The following NELL2 variants were observed in gnomAD, a reference collection of about 807,000 sequenced individuals.
NELL2 encodes neural EGFL like 2, also known as protein kinase C-binding protein NELL2.
In NELL2, 41 loss-of-function variants were observed where a neutral mutation model predicts 109.6. The ratio of observed to expected loss-of-function variants is 0.37; its 90% CI spans 0.29 to 0.49. The LOEUF is 0.49. NELL2 is among the 20% of genes least tolerant of loss of function. NELL2 has a pLI of 0.98. For synonymous variants in NELL2, 355 were observed against 344.7 expected, an observed-to-expected ratio of 1.03 and a Z score of -0.33; for missense variants, 900 against 1,008.3, an observed-to-expected ratio of 0.89 and a Z score of 1.45.
chr12:44,920,629 A>T (rs1945861846), intron 1 of NELL2, among the ~76,000 whole-genome samples: 1 of 152,202 alleles, frequency 6.6e-6, no homozygotes, highest in South Asian at 2.1e-4. Flanking sequence ...CAGGCTTGTG[A>T]TGCACATATC....
intron 9 of NELL2, among the ~76,000 whole-genome samples, chr12:44,742,226 C>T (rs969201707): frequency 1.3e-5 from 2 of 152,210 alleles, no homozygotes; most frequent in African/African-American, 4.8e-5. Context: ...CTAGCAAACT[C>T]CAACAGACCT....
intron 9 of NELL2, among the ~76,000 whole-genome samples, chr12:44,743,258 T>A (rs1940110222): frequency 6.6e-6 from 1 of 152,108 alleles, no homozygotes; most frequent in South Asian, 2.1e-4. Context: ...TGCTGAGAGA[T>A]TTTGTCACCA....
In NELL2 at chr12:44,875,896, T is replaced by G. The variant is rs763507988; in HGVS notation, c.-27A>C. The G allele has an allele frequency of 6.2e-7, 1 of 1,613,734 alleles. No homozygotes were observed. The highest frequency in any genetic ancestry group is 8.5e-7 in the Non-Finnish European group (1 of 1,180,004). On this transcript the variant is annotated 5_prime_UTR_variant, in exon 1 of 20. Coordinates refer to ENST00000429094, the MANE Select transcript of NELL2 (RefSeq NM_001145108.2). Reference sequence around the variant, plus strand: ...GTGCGGATCAGCTCAGTCCATCGTCTCCCTCTTTAAAAATAAAAATAAAAA... The same window carrying G: ...GTGCGGATCAGCTCAGTCCATCGTCGCCCTCTTTAAAAATAAAAATAAAAA...
intron 13 of NELL2, among the ~76,000 whole-genome samples, chr12:44,661,709 G>T (rs80296394): frequency 6.6e-6 from 1 of 152,092 alleles, no homozygotes; most frequent in Non-Finnish European, 1.5e-5. Context: ...AAAGCCATTC[G>T]TCCATATAAG....
At chr12:44,917,260 A>G (rs535972019), upstream of NELL2, among the ~76,000 whole-genome samples, 6 of 152,342 alleles carry the variant, frequency 3.9e-5, no homozygotes, top group East Asian at 1.2e-3. Context: ...TGACCTCTTG[A>G]TGATTATACA....
At chr12:44,784,986 C>T (rs968964025) in intron 3 of NELL2, among the ~76,000 whole-genome samples, 1 of 152,182 alleles carries the variant, frequency 6.6e-6, no homozygotes, top group African/African-American at 2.4e-5. Flanking sequence ...CAAGGATGCC[C>T]TCTCTCACAA....
chr12:44,720,865 G>T lies in NELL2; in HGVS notation c.995-6124C>A, dbSNP rs531674227. On this transcript the variant is annotated intron_variant, in intron 9 of 19. Transcript: ENST00000429094. ...TCTGTTTTATATACACCATGTCCTT[G>T]GGCTTCTAAAGGACCAAAGTGTGCT... Among the ~76,000 whole-genome samples the T allele has an allele frequency of 3.3e-5, 5 of 152,196 alleles. No homozygotes were observed. In the South Asian group the frequency reaches 1.0e-3, roughly 32 times the overall value.
intron 15 of NELL2, among the ~76,000 whole-genome samples, chr12:44,587,578 C>T (rs549238476): frequency 9.2e-5 from 14 of 151,826 alleles, no homozygotes; most frequent in African/African-American, 2.9e-4. Context: ...ATCACAGAAT[C>T]GAAAAGAACT....
chr12:44,545,335 C>T (rs940126172), intron 15 of NELL2, among the ~76,000 whole-genome samples: 2 of 151,768 alleles, frequency 1.3e-5, no homozygotes, highest in Admixed American at 6.6e-5. Flanking sequence ...TTTTTGGTTT[C>T]GAGTTCAGAG....
chr12:44,893,704 C>T lies in NELL2; in HGVS notation c.39-17804G>A, dbSNP rs367769957. Among the ~76,000 whole-genome samples, 8 of 152,244 alleles carry T rather than the reference C, an allele frequency of 5.3e-5. No individual in the cohort carries two copies. The East Asian group carries it at 7.7e-4, about 15-fold the overall frequency. ...GTGCCCAGTACCGAAGCAAGCATGACGGATGGGGTGCCCCAAGCCTTCTAA... is the reference window on the plus strand; with the variant it reads ...GTGCCCAGTACCGAAGCAAGCATGATGGATGGGGTGCCCCAAGCCTTCTAA... On this transcript the variant is annotated intron_variant, in intron 1 of 20. Transcript: ENST00000333837.
At chr12:44,909,082 C>A (rs1028727520) in intron 1 of NELL2, among the ~76,000 whole-genome samples, 10 of 151,566 alleles carry the variant, frequency 6.6e-5, no homozygotes, top group Admixed American at 6.6e-4. Flanking sequence ...CTAGATAGAG[C>A]AATCAGGCAA....
At chr12:44,920,392 TA>T (rs1306435681) in intron 1 of NELL2, among the ~76,000 whole-genome samples, 1 of 152,186 alleles carries the variant, frequency 6.6e-6, no homozygotes. Flanking sequence ...TGAAATTTTT[TA>T]CTAAAGAATT....
chr12:44,532,076 C>G (rs954421486), intron 16 of NELL2, among the ~76,000 whole-genome samples: 1 of 152,060 alleles, frequency 6.6e-6, no homozygotes, highest in Admixed American at 6.5e-5. Flanking sequence ...AATCAGGGAC[C>G]ATATCTTATG....
intron 12 of NELL2, among the ~76,000 whole-genome samples, chr12:44,696,371 A>G (rs1235451408): frequency 6.6e-6 from 1 of 152,196 alleles, no homozygotes; most frequent in Non-Finnish European, 1.5e-5. Context: ...TACATACCAG[A>G]TATTTCATGT....
intron 1 of NELL2, among the ~76,000 whole-genome samples, chr12:44,884,614 A>C (rs1945450437): frequency 6.6e-6 from 1 of 152,050 alleles, no homozygotes; most frequent in Non-Finnish European, 1.5e-5. Context: ...ATAGACTCTA[A>C]ATTTACCTTT....
chr12:44,837,510 C>G (rs1944090832), intron 2 of NELL2, among the ~76,000 whole-genome samples: 2 of 152,146 alleles, frequency 1.3e-5, no homozygotes, highest in African/African-American at 4.8e-5. Context: ...AGACTTTGCT[C>G]TTAACCTCTA....
At chr12:44,845,385 A>G (rs964204026) in intron 2 of NELL2, among the ~76,000 whole-genome samples, 8 of 152,222 alleles carry the variant, frequency 5.3e-5, no homozygotes, top group Non-Finnish European at 1.0e-4. Context: ...TCAACACAGT[A>G]CAGTATAGTG....
chr12:44,788,974 C>T (rs565153386), intron 3 of NELL2, among the ~76,000 whole-genome samples: 38 of 152,160 alleles, frequency 2.5e-4, no homozygotes, highest in African/African-American at 7.9e-4. Flanking sequence ...ACGTGGGAAC[C>T]TCACCCCCAA....
At position 44,846,229 on chromosome 12, in the gene NELL2, AT is replaced by A. The variant is rs573001389; in HGVS notation, c.184+28995del. Among the ~76,000 whole-genome samples the A allele has an allele frequency of 8.7e-4, 133 of 152,312 alleles. 1 individual carries two copies. Among genetic ancestry groups the A allele is most frequent in the Admixed American group, 4.0e-3 (61 of 15,302 alleles). ...TCATTACGCAAGTGTATATTTAGAG[AT>A]TATTGACGCCCAAAGACCACAAAAG... On this transcript the variant is annotated intron_variant, in intron 2 of 19. Transcript: ENST00000429094.
Sources: allele counts gnomAD v4.1 joint callset (sites outside exome capture counted in the v4.1 genomes callset), GRCh38; gene constraint gnomAD v4.1.1; transcripts MANE v1.5; gene names NCBI Gene and HGNC (gene_info 2026-07-23, HGNC 2026-07-21).